Variants in TTN observed in about 807,000 individuals in gnomAD.
TTN encodes the protein titin.
TTN carries 1,525 observed loss-of-function variants against 3,223.0 expected under a neutral mutation model. The ratio of observed to expected loss-of-function variants is 0.47; its 90% CI spans 0.45 to 0.49. TTN has a LOEUF of 0.49. TTN is among the 20% of genes least tolerant of loss of function. TTN has a pLI of 0.00. For missense variants in TTN, 40,786 were observed against 43,424.0 expected, an observed-to-expected ratio of 0.94 and a Z score of 5.40; for synonymous variants, 14,094 against 15,161.0, an observed-to-expected ratio of 0.93 and a Z score of 5.17.
chr2:178,794,579 C>T (rs1288177124), intron 7 of TTN, 28 bp from the exon 8 acceptor site: 1 of 1,613,910 alleles, frequency 6.2e-7, no homozygotes, highest in Non-Finnish European at 8.5e-7. Context: ...AAGTAGATTA[C>T]TTTTTTAAAT....
Position 178,564,990 on chromosome 2 carries a change from A to G in TTN, c.81142T>C (p.Phe27048Leu). 6.2e-7 allele frequency: 1 copy of G among 1,612,066 alleles called. No individual in the cohort carries two copies. ...KTGTEYQFRI[F>L]AENRYGKSAP... ...CTTTTTCCATACCTGTTTTCAGCAAAAATTCTAAACTGGTACTCCGTGCCT... is the reference window on the plus strand; with the variant it reads ...CTTTTTCCATACCTGTTTTCAGCAAGAATTCTAAACTGGTACTCCGTGCCT... Residue 27048 changes from phenylalanine (F) to leucine (L), a missense_variant, in exon 326 of 363, where the codon TTT (phenylalanine) becomes CTT (leucine). Physicochemically the swap from Phe to Leu is conservative, Grantham distance 22. Transcript: ENST00000589042.
Position 178,567,402 on chromosome 2 carries a change from T to G in TTN, c.78730A>C (p.Asn26244His). ...IEESARCEIK[N>H]TDFKALLIVK... ...ATAAGTAAAGCCTTGAAATCTGTGTTCTTTATTTCACATCTAGCAGATTCT... is the reference window on the plus strand; with the variant it reads ...ATAAGTAAAGCCTTGAAATCTGTGTGCTTTATTTCACATCTAGCAGATTCT... Residue 26244 changes from asparagine to histidine, a missense_variant, in exon 326 of 363, where the codon AAC becomes CAC. By Grantham distance (68) the Asn-to-His change is moderately conservative (BLOSUM62 1). Transcript: ENST00000589042. 6.2e-7 allele frequency: 1 copy of G among 1,602,524 alleles called. No individual in the cohort carries two copies. Among genetic ancestry groups the G allele is most frequent in the South Asian group, 1.1e-5 (1 of 88,592 alleles).
At position 178,575,604 on chromosome 2, in the gene TTN, T is replaced by C; in HGVS notation, c.70528A>G (p.Met23510Val). The change falls in exon 326 of 363, where the codon ATG (methionine) becomes GTG (valine). Residue 23510 changes from methionine (M) to valine (V), a missense_variant. Coordinates refer to ENST00000589042, the MANE Select transcript of TTN (RefSeq NM_001267550.2). This position sits in a 1 kb window ranked among gnomAD's most constrained non-coding sequence, Gnocchi z 4.0. ...CCAATTCCATATTCATTCTCTGCCATCACTCTGAAGAAATATTCACACCCT... is the reference window on the plus strand; with the variant it reads ...CCAATTCCATATTCATTCTCTGCCACCACTCTGAAGAAATATTCACACCCT... ...SEGCEYFFRV[M>V]AENEYGIGEP... The C allele has an allele frequency of 1.2e-6, 2 of 1,613,684 alleles. No homozygotes were observed. The highest frequency in any genetic ancestry group is 1.7e-6 in the Non-Finnish European group (2 of 1,179,662).
At chr2:178,687,430 A>G (rs189133964) in intron 127 of TTN, among the ~76,000 whole-genome samples, 11 of 144,524 alleles carry the variant, frequency 7.6e-5, no homozygotes, top group African/African-American at 3.1e-4. Flanking sequence ...TAGGTATGAA[A>G]AGATCTGAGT....
In TTN at chr2:178,537,569, G is replaced by A; in HGVS notation, c.99638C>T (p.Thr33213Ile). 6.2e-7 allele frequency: 1 copy of A among 1,613,824 alleles called. No homozygotes were observed. Among genetic ancestry groups the A allele is most frequent in the South Asian group, 1.1e-5 (1 of 91,078 alleles). ...AATGTACATAACATGAAGCCGAAGT[G>A]TGGAACCCACAGCTCCATAATATTT... ...KEKYYGAVGS[T>I]LRLHVMYIGR... is the part of the protein sequence containing the mutation. Residue 33213 changes from threonine to isoleucine, a missense_variant, in exon 355 of 363, where the codon ACA (threonine) becomes ATA (isoleucine). Thr to Ile is a moderately conservative substitution (Grantham distance 89). Coordinates refer to ENST00000589042, the MANE Select transcript of TTN (RefSeq NM_001267550.2).
intron 44 of TTN, 63 bp from the exon 45 acceptor site, chr2:178,757,979 G>C: frequency 6.8e-7 from 1 of 1,477,524 alleles, no homozygotes; most frequent in South Asian, 1.5e-5. Context: ...CTCATTTGGA[G>C]TTGTCTACAG....
intron 114 of TTN, 116 bp from the exon 115 acceptor site, chr2:178,695,526 T>C (rs1216397248): frequency 3.7e-6 from 3 of 805,542 alleles, no homozygotes; most frequent in African/African-American, 3.4e-5. Context: ...GTATTATATT[T>C]GGGATCGTTA....
chr2:178,561,856 A>G lies in TTN; in HGVS notation c.84276T>C (p.Val28092=), dbSNP rs776649306. ...TTGTAGAGGTGGTTTCTTTCTTTTC[A>G]ACAATGTAATTGCTAATTTGGCAGC... ...DGGCQISNYI[V]EKKETTSTTW... Residue 28092 remains valine, a synonymous_variant, in exon 326 of 363, where the codon GTT becomes GTC. Coordinates refer to ENST00000589042, the MANE Select transcript of TTN (RefSeq NM_001267550.2). 2.5e-6 allele frequency: 4 copies of G among 1,613,522 alleles called. No homozygotes were observed. In the East Asian group the frequency reaches 6.7e-5, roughly 27 times the overall value.
intron 13 of TTN, among the ~76,000 whole-genome samples, chr2:178,789,047 T>C (rs1243808355): frequency 6.6e-6 from 1 of 152,110 alleles, no homozygotes; most frequent in Non-Finnish European, 1.5e-5. Flanking sequence ...TTTTAAAAAA[T>C]GTTCATGGGC....
chr2:178,728,809 A>G, intron 65 of TTN, 31 bp from the exon 66 acceptor site: 1 of 1,583,150 alleles, frequency 6.3e-7, no homozygotes, highest in Non-Finnish European at 8.6e-7. Flanking sequence ...TGGATGAGTT[A>G]CATTGGTAAC....
Position 178,547,057 on chromosome 2 carries a change from C to G in TTN, c.94468G>C (p.Gly31490Arg). The stretch of plus-strand genomic sequence containing the variant: ...GAAGCTTCGCTGGCCTTGCTAACAC[C>G]TGCAGCATTGAGTGCATAAGTTCTG... ...QFRTYALNAA[G>R]VSKASEASRP... The change falls in exon 340 of 363, where the codon GGT becomes CGT. Residue 31490 changes from glycine to arginine, a missense_variant. Transcript: ENST00000589042. 6.2e-7 allele frequency: 1 copy of G among 1,613,788 alleles called. No individual in the cohort carries two copies. Among genetic ancestry groups the G allele is most frequent in the Non-Finnish European group, 8.5e-7 (1 of 1,179,716 alleles).
At position 178,577,210 on chromosome 2, in the gene TTN, C is replaced by T. The variant is rs531136835; in HGVS notation, c.69125G>A (p.Gly23042Asp). 1 of 1,612,822 alleles carries T rather than the reference C, an allele frequency of 6.2e-7. No individual in the cohort carries two copies. Among genetic ancestry groups the T allele is most frequent in the South Asian group, 1.1e-5 (1 of 91,028 alleles). ...ACTGATTTCAACAGGACCTGGGGGA[C>T]CAGGTACATCAAGGACTGTTACCTT... ...HVKVTVLDVP[G>D]PPGPVEISNV... Residue 23042 changes from glycine to aspartate, a missense_variant, in exon 324 of 363, where the codon GGT (glycine) becomes GAT (aspartate). Physicochemically the swap from Gly to Asp is moderately conservative, Grantham distance 94 (BLOSUM62 -1). Coordinates refer to ENST00000589042, the MANE Select transcript of TTN (RefSeq NM_001267550.2).
In TTN at chr2:178,593,076, T is replaced by G. The variant is rs1576134635; in HGVS notation, c.59043A>C (p.Pro19681=). 1.2e-6 allele frequency: 2 copies of G among 1,611,850 alleles called. No individual in the cohort carries two copies. Among genetic ancestry groups the G allele is most frequent in the Admixed American group, 1.7e-5 (1 of 59,564 alleles). ...TTGCTTCAGGATTAACAGGTGGACT[T>G]GGTTTAGCTAAAAAATAAAAGTAAA... is the stretch of plus-strand genomic sequence containing the variant. ...PVFAKDPIAK[P]SPPVNPEAID... Residue 19681 remains proline, a synonymous_variant, in exon 300 of 363, where the codon CCA becomes CCC. Coordinates refer to ENST00000589042, the MANE Select transcript of TTN (RefSeq NM_001267550.2).
Position 178,721,150 on chromosome 2 carries a change from T to C in TTN, c.22869A>G (p.Gly7623=). The part of the protein sequence containing the change: ...KLEASKVAKQ[G]ESIQLECKIS... ...TTTTACATTCCAGTTGAATGGATTC[T>C]CCCTGCTTTGCAACTTTTGAAGCTT... The change falls in exon 79 of 363, where the codon GGA becomes GGG. Residue 7623 remains glycine, a synonymous_variant. Coordinates refer to ENST00000589042, the MANE Select transcript of TTN (RefSeq NM_001267550.2). 6.2e-7 allele frequency: 1 copy of C among 1,609,914 alleles called. No individual in the cohort carries two copies. The highest frequency in any genetic ancestry group is 8.5e-7 in the Non-Finnish European group (1 of 1,176,782).
chr2:178,698,397 T>C (rs1217492015), intron 112 of TTN, among the ~76,000 whole-genome samples: 1 of 152,176 alleles, frequency 6.6e-6, no homozygotes, highest in Non-Finnish European at 1.5e-5. Flanking sequence ...ACCACAAAAA[T>C]GTTAAGTATT....
intron 45 of TTN, 147 bp from the exon 46 acceptor site, chr2:178,756,944 C>T (rs2087211102): frequency 1.4e-6 from 1 of 735,420 alleles, no homozygotes; most frequent in African/African-American, 1.8e-5. Context: ...GCAATATGAT[C>T]TAGATGTCAG....
At position 178,560,277 on chromosome 2, in the gene TTN, A is replaced by T; in HGVS notation, c.85855T>A (p.Cys28619Ser). ...RVKSTGLREG[C>S]EYEYRVYAEN... ...GCATAAACACGATATTCATATTCACATCCTTCCCGAAGTCCTGTTGATTTC... is the reference window on the plus strand; with the variant it reads ...GCATAAACACGATATTCATATTCACTTCCTTCCCGAAGTCCTGTTGATTTC... The change falls in exon 326 of 363, where the codon TGT becomes AGT. Residue 28619 changes from cysteine (C) to serine (S), a missense_variant. By Grantham distance (112) the Cys-to-Ser change is moderately radical. Transcript: ENST00000589042. The T allele has an allele frequency of 1.2e-6, 2 of 1,613,720 alleles. No individual in the cohort carries two copies. The highest frequency in any genetic ancestry group is 1.3e-5 in the African/African-American group (1 of 75,002).
rs2062585594 is a variant in TTN at position 178,649,549 on chromosome 2, A to G, written c.39973+5T>C. The G allele has an allele frequency of 6.5e-7, 1 of 1,549,164 alleles. No homozygotes were observed. The highest frequency in any genetic ancestry group is 8.7e-7 in the Non-Finnish European group (1 of 1,146,088). ...TTTTTATGATGCCAACGATGAAGTGAATACCTTTAGCTGCTGGTGTTTCTG... is the reference window on the plus strand; with the variant it reads ...TTTTTATGATGCCAACGATGAAGTGGATACCTTTAGCTGCTGGTGTTTCTG... On this transcript the variant is annotated splice_donor_5th_base_variant and intron_variant, in intron 212 of 362. Transcript: ENST00000589042.
At chr2:178,793,352 T>G in intron 9 of TTN, 52 bp downstream of exon 9, 1 of 1,604,966 alleles carries the variant, frequency 6.2e-7, no homozygotes, top group Non-Finnish European at 8.5e-7. Context: ...TGATTATCTG[T>G]GTTGACCCCT....
Sources: gnomAD v4.1 joint callset for allele counts (sites outside exome capture counted in the v4.1 genomes callset) on GRCh38, gnomAD v4.1.1 for gene constraint, Gnocchi (gnomAD v3.1) non-coding constraint, MANE v1.5 for transcripts, NCBI Gene and HGNC (gene_info 2026-07-23, HGNC 2026-07-21) for gene names.